Variants in PCDH19 observed in about 807,000 individuals in gnomAD.
PCDH19 encodes the protein protocadherin 19.
Under a neutral mutation model 46.2 loss-of-function variants are expected in PCDH19, and 6 were observed. The ratio of observed to expected loss-of-function variants is 0.13; its 90% CI spans 0.07 to 0.26. The LOEUF (loss-of-function observed/expected upper bound fraction) is 0.26, where lower values mean the gene tolerates loss of function less well. PCDH19 is among the 10% of genes least tolerant of loss of function. The pLI is 1.00. For missense variants in PCDH19, 740 were observed against 972.3 expected (o/e 0.76, Z 3.18); for synonymous variants, 481 against 415.7 (o/e 1.16, Z -1.91).
At chrX:100,357,974 G>A (rs1298279876) in intron 3 of PCDH19, among the ~76,000 whole-genome samples, 3 of 112,190 alleles carry the variant, frequency 2.7e-5, no homozygotes, top group African/African-American at 9.7e-5. Context: ...ATTAGGCCAA[G>A]GTGGTTCTAC....
At chrX:100,356,191 T>C (rs1926708347) in intron 3 of PCDH19, among the ~76,000 whole-genome samples, 1 of 112,166 alleles carries the variant, frequency 8.9e-6, no homozygotes, top group Non-Finnish European at 1.9e-5. Context: ...CCCATCGAGC[T>C]GAAAAGCATT....
chrX:100,403,703 T>C (rs1175123582), intron 1 of PCDH19, 39 bp from the exon 2 acceptor site: 2 of 1,144,070 alleles, frequency 1.7e-6, no homozygotes, highest in Non-Finnish European at 2.4e-6. Context: ...TCAGCATCCT[T>C]CTCCATTCAG....
chrX:100,332,453 C>T (rs1465510173), intron 5 of PCDH19, among the ~76,000 whole-genome samples: 21 of 105,245 alleles, frequency 2.0e-4, no homozygotes, highest in African/African-American at 7.4e-4. Context: ...ACCCGGGAGG[C>T]GGAGGTTGCA....
intron 5 of PCDH19, among the ~76,000 whole-genome samples, chrX:100,322,574 C>T (rs764449365): frequency 5.5e-5 from 6 of 108,149 alleles, no homozygotes; most frequent in Non-Finnish European, 7.6e-5. Flanking sequence ...GCTTTGGCTA[C>T]GCAGGCTCTT....
intron 5 of PCDH19, among the ~76,000 whole-genome samples, chrX:100,338,117 G>C (rs932257231): frequency 5.4e-5 from 6 of 110,648 alleles, no homozygotes; most frequent in Non-Finnish European, 7.6e-5. Flanking sequence ...AAGGCAGGTG[G>C]ATCACTTTAG....
rs775046594 is a variant in PCDH19, at chrX:100,408,745, C to A, written c.-148G>T. The A allele has an allele frequency of 5.0e-5, 16 of 317,909 alleles. No individual in the cohort carries two copies. In the South Asian group the frequency reaches 2.4e-3, roughly 47 times the overall value. 26.2% of individuals were successfully genotyped at this position (317,909 alleles called of 1,213,427 possible). ...CGGGAGAAGTCCCGCCCAGGGCGGC[C>A]CGGCGGCGCGCGGGGGACACCCGCG... On this transcript the variant is annotated 5_prime_UTR_variant, in exon 1 of 6. Transcript: ENST00000373034.
At chrX:100,388,343 T>C (rs191180196) in intron 3 of PCDH19, among the ~76,000 whole-genome samples, 2 of 110,425 alleles carry the variant, frequency 1.8e-5, no homozygotes, top group East Asian at 5.6e-4. Context: ...CTGGAATTAA[T>C]CTATGTGTGT....
intron 3 of PCDH19, among the ~76,000 whole-genome samples, chrX:100,390,202 G>T (rs1316488514): frequency 9.0e-6 from 1 of 111,292 alleles, no homozygotes; most frequent in Non-Finnish European, 1.9e-5. Context: ...GTCAGTGAAG[G>T]ATGATCTATA....
chrX:100,333,174 G>A (rs201110493), intron 5 of PCDH19, among the ~76,000 whole-genome samples: 10,834 of 27,763 alleles, frequency 0.39, 2,262 homozygotes, highest in Middle Eastern at 0.51. Context: ...AGGAAGGAAG[G>A]GAGAGAGAGA....
Position 100,407,987 on chromosome X carries a change from T to C in PCDH19, c.611A>G (p.Tyr204Cys), listed in dbSNP as rs770258992. 2.5e-6 allele frequency: 3 copies of C among 1,208,347 alleles called. No homozygotes were observed. The highest frequency in any genetic ancestry group is 1.1e-6 in the Non-Finnish European group (1 of 895,501). ...KSLDRETQSH[Y>C]SFRITALDGG... ...GTCTAGCGCAGTGATTCGGAAGCTG[T>C]AGTGCGACTGCGTCTCGCGGTCCAG... The change falls in exon 1 of 6, where the codon TAC (tyrosine) becomes TGC (cysteine). Residue 204 changes from tyrosine to cysteine, a missense_variant. Tyr to Cys is a radical substitution (Grantham distance 194, BLOSUM62 -2). This residue lies in a region of PCDH19 where 48 missense variants were observed against 43.2 expected (regional missense o/e 1.11). Coordinates refer to ENST00000373034, the MANE Select transcript of PCDH19 (RefSeq NM_001184880.2).
intron 3 of PCDH19, among the ~76,000 whole-genome samples, chrX:100,400,798 A>G (rs1006812471): frequency 8.9e-6 from 1 of 112,346 alleles, no homozygotes; most frequent in African/African-American, 3.2e-5. Flanking sequence ...AATCAATGTA[A>G]GTGGTCCTAA....
intron 4 of PCDH19, among the ~76,000 whole-genome samples, chrX:100,343,711 C>T (rs967799446): frequency 3.6e-5 from 4 of 111,685 alleles, no homozygotes; most frequent in Non-Finnish European, 7.5e-5. Context: ...ATTCCCTAGT[C>T]GGTGAGGAAG....
At chrX:100,315,273 T>C (rs1301679915) in intron 5 of PCDH19, among the ~76,000 whole-genome samples, 2 of 112,370 alleles carry the variant, frequency 1.8e-5, no homozygotes, top group Non-Finnish European at 3.8e-5. Flanking sequence ...AGAGCCCACA[T>C]TTCCCTATTA....
chrX:100,322,859 A>ATTTTTTT (rs1400588865), intron 5 of PCDH19, among the ~76,000 whole-genome samples: 2 of 43,690 alleles, frequency 4.6e-5, no homozygotes, highest in African/African-American at 1.4e-4. Flanking sequence ...ATATATATAT[A>ATTTTTTT]TATATATTTT....
intron 5 of PCDH19, among the ~76,000 whole-genome samples, chrX:100,313,857 TCACA>T (rs3222341): frequency 0.39 from 29,520 of 75,893 alleles, 4,196 homozygotes; most frequent in South Asian, 0.51. Context: ...CTGCTGTTAA[TCACA>T]CACACACACA....
At chrX:100,298,053 C>T (rs764218157) in intron 5 of PCDH19, among the ~76,000 whole-genome samples, 10 of 110,033 alleles carry the variant, frequency 9.1e-5, no homozygotes, top group Non-Finnish European at 1.9e-4. Flanking sequence ...ACTTATTTTG[C>T]AGGGGGAAGA....
In PCDH19 at chrX:100,409,192, G is replaced by A. The variant is rs1335538723; in HGVS notation, c.-595C>T. On this transcript the variant is annotated 5_prime_UTR_variant, in exon 1 of 6. Coordinates refer to ENST00000373034, the MANE Select transcript of PCDH19 (RefSeq NM_001184880.2). ...GAATGCGCCCTCCGGGGTCTGGGGG[G>A]GCCACACTGGCCTCTTCGAGGCCTG... 8.9e-6 allele frequency: 1 copy of A among 112,947 alleles called. No individual in the cohort carries two copies. Among genetic ancestry groups the A allele is most frequent in the African/African-American group, 3.2e-5 (1 of 30,996 alleles). The allele number at this position is 112,947 out of a possible 1,213,427, so 9.3% of individuals were successfully genotyped here. A position where few individuals can be genotyped will look rare whatever the true frequency, so the allele number is the denominator to read the frequency against.
chrX:100,322,833 GTATATATATATA>G (rs60720039), intron 5 of PCDH19, among the ~76,000 whole-genome samples: 1 of 48,797 alleles, frequency 2.0e-5, no homozygotes, highest in East Asian at 5.1e-4. Flanking sequence ...ATATTCCTAA[GTATATATATATA>G]TATATATATA....
chrX:100,356,301 A>C (rs1287965526), intron 3 of PCDH19, among the ~76,000 whole-genome samples: 3 of 111,723 alleles, frequency 2.7e-5, no homozygotes, highest in African/African-American at 6.5e-5. Flanking sequence ...GATACACAAC[A>C]AAGTGATTAT....
Sources: allele counts gnomAD v4.1 joint callset (sites outside exome capture counted in the v4.1 genomes callset), GRCh38; gene constraint gnomAD v4.1.1; regional missense constraint gnomAD v4.1.1; transcripts MANE v1.5; gene names NCBI Gene and HGNC (gene_info 2026-07-23, HGNC 2026-07-21).